The following N4BP2 variants were observed in gnomAD, a reference collection of about 807,000 sequenced individuals.
N4BP2 encodes the protein NEDD4 binding protein 2.
Under a neutral mutation model 152.8 loss-of-function variants are expected in N4BP2, and 91 were observed. The ratio of observed to expected loss-of-function variants is 0.60; its 90% confidence interval spans 0.50 to 0.71. The LOEUF (loss-of-function observed/expected upper bound fraction) is 0.71, where lower values mean the gene tolerates loss of function less well. N4BP2 is among the 30% of genes least tolerant of loss of function. N4BP2 has a pLI of 0.00. For missense variants in N4BP2, 1,923 were observed against 2,059.1 expected (o/e 0.93, Z 1.28); for synonymous variants, 646 against 705.3 (o/e 0.92, Z 1.33).
intron 3 of N4BP2, among the ~76,000 whole-genome samples, chr4:40,100,409 C>T (rs1297651112): frequency 6.9e-6 from 1 of 145,070 alleles, no homozygotes; most frequent in Non-Finnish European, 1.5e-5. Context: ...TAGGGCCTCA[C>T]TCAGTCGCCC....
At chr4:40,150,513 A>G (rs1022914590) in intron 16 of N4BP2, among the ~76,000 whole-genome samples, 9 of 152,144 alleles carry the variant, frequency 5.9e-5, no homozygotes, top group African/African-American at 1.4e-4. Flanking sequence ...CTAATAATAT[A>G]CAAAAATATT....
At chr4:40,082,765 A>G (rs939668090) in intron 2 of N4BP2, among the ~76,000 whole-genome samples, 2 of 151,730 alleles carry the variant, frequency 1.3e-5, no homozygotes, top group Admixed American at 6.6e-5. Flanking sequence ...CAGTGGCTCA[A>G]TCTCGGCTGA....
At chr4:40,153,231 G>A (rs569224297) in intron 17 of N4BP2, among the ~76,000 whole-genome samples, 27 of 152,248 alleles carry the variant, frequency 1.8e-4, no homozygotes, top group African/African-American at 6.0e-4. Flanking sequence ...AGTTCTAAAA[G>A]AAAGTAAATA....
chr4:40,114,174 T>G (rs952865118), intron 7 of N4BP2, among the ~76,000 whole-genome samples: 1 of 152,196 alleles, frequency 6.6e-6, no homozygotes, highest in Non-Finnish European at 1.5e-5. Flanking sequence ...ATGTACAGTT[T>G]GTTTTGCTTT....
intron 14 of N4BP2, 186 bp from the exon 15 acceptor site, chr4:40,142,487 T>G: frequency 1.8e-6 from 1 of 547,334 alleles, no homozygotes; most frequent in Non-Finnish European, 3.3e-6. Context: ...CTTAGCGGCA[T>G]AAAAAAGTTA....
At chr4:40,188,608 G>C in the N4BP2 span, among the ~76,000 whole-genome samples, 2 of 152,042 alleles carry the variant, frequency 1.3e-5, no homozygotes, top group Non-Finnish European at 2.9e-5. Context: ...GCTGGGCGGG[G>C]TGGTGTGTGC....
chr4:40,131,776 CA>C (rs1560627350), intron 12 of N4BP2, 24 bp from the exon 13 acceptor site: 1 of 1,535,960 alleles, frequency 6.5e-7, no homozygotes, highest in Admixed American at 1.7e-5. Flanking sequence ...TCATCTTGAA[CA>C]TGATTTTTAT....
At chr4:40,148,325 C>T (rs936086053) in intron 16 of N4BP2, among the ~76,000 whole-genome samples, 8 of 152,236 alleles carry the variant, frequency 5.3e-5, no homozygotes, top group East Asian at 1.9e-4. Context: ...GCGGCGCGCG[C>T]CTGCAATCGC....
chr4:40,169,121 G>A, the N4BP2 span, among the ~76,000 whole-genome samples: 3 of 151,582 alleles, frequency 2.0e-5, no homozygotes, highest in Non-Finnish European at 4.4e-5. Context: ...GGTGGTTCTC[G>A]CCTGTAATCC....
chr4:40,099,067 T>C (rs1263573351), intron 3 of N4BP2, among the ~76,000 whole-genome samples: 1 of 152,212 alleles, frequency 6.6e-6, no homozygotes, highest in Admixed American at 6.5e-5. Flanking sequence ...TTTTGGCTTT[T>C]TTTTCTTAGT....
chr4:40,057,804 GTAATAGAA>G (rs979597416), intron 1 of N4BP2, among the ~76,000 whole-genome samples: 12 of 152,094 alleles, frequency 7.9e-5, no homozygotes, highest in African/African-American at 2.9e-4. Flanking sequence ...GAGAGCTAGA[GTAATAGAA>G]TGTAGATGAC....
At chr4:40,177,911 AAT>A in the N4BP2 span, among the ~76,000 whole-genome samples, 2 of 152,222 alleles carry the variant, frequency 1.3e-5, no homozygotes, top group South Asian at 4.1e-4. Context: ...CTTTGAATAA[AAT>A]AGTCTCAAAT....
the N4BP2 span, among the ~76,000 whole-genome samples, chr4:40,186,063 G>C: frequency 6.6e-6 from 1 of 152,082 alleles, no homozygotes; most frequent in Non-Finnish European, 1.5e-5. Context: ...GTGTTTCCCA[G>C]GTATAATTTC....
chr4:40,152,054 T>G (rs1579161427), intron 16 of N4BP2, among the ~76,000 whole-genome samples: 1 of 152,228 alleles, frequency 6.6e-6, no homozygotes, highest in Non-Finnish European at 1.5e-5. Context: ...TTTCACAAGG[T>G]CATTTCCAAA....
At chr4:40,133,834 A>G (rs1418285984) in intron 13 of N4BP2, among the ~76,000 whole-genome samples, 1 of 149,616 alleles carries the variant, frequency 6.7e-6, no homozygotes, top group Non-Finnish European at 1.5e-5. Flanking sequence ...GTGAGACAGG[A>G]TCTTGCTGTT....
the N4BP2 span, among the ~76,000 whole-genome samples, chr4:40,169,348 C>T: frequency 7.5e-5 from 11 of 147,496 alleles, no homozygotes; most frequent in South Asian, 2.1e-4. Context: ...CTCCACTGCA[C>T]GCCAGCCAGC....
intron 4 of N4BP2, 75 bp downstream of exon 4, chr4:40,103,293 A>G: frequency 7.6e-7 from 1 of 1,318,010 alleles, no homozygotes; most frequent in South Asian, 1.4e-5. Flanking sequence ...AAATAGGCAA[A>G]ATGCTTTGCT....
chr4:40,169,996 A>C, the N4BP2 span, among the ~76,000 whole-genome samples: 2 of 151,408 alleles, frequency 1.3e-5, no homozygotes, highest in Non-Finnish European at 2.9e-5. Context: ...ATAACCATAA[A>C]AGAAAATAGA....
chr4:40,076,870 GA>G (rs1712795832), intron 2 of N4BP2, among the ~76,000 whole-genome samples: 1 of 152,110 alleles, frequency 6.6e-6, no homozygotes, highest in South Asian at 2.1e-4. Flanking sequence ...GTAGTATTTT[GA>G]AATCATCTTG....
Sources: gnomAD v4.1 joint callset for allele counts (sites outside exome capture counted in the v4.1 genomes callset) on GRCh38, gnomAD v4.1.1 for gene constraint, MANE v1.5 for transcripts, NCBI Gene and HGNC (gene_info 2026-07-23, HGNC 2026-07-21) for gene names.